Variants in STARD4 observed in about 807,000 individuals in gnomAD.
STARD4 encodes the protein stAR-related lipid transfer protein 4.
A neutral mutation model predicts 24.9 loss-of-function variants in STARD4; 33 were observed. That is an observed-to-expected ratio of 1.32 (90% CI 1.00 to 1.77). The LOEUF (loss-of-function observed/expected upper bound fraction) is 1.77, where lower values mean the gene tolerates loss of function less well. Ranked by LOEUF, STARD4 falls within the 40% of genes most tolerant of loss-of-function variation. STARD4 has a pLI of 0.00. For missense variants in STARD4, 238 were observed against 249.3 expected, an observed-to-expected ratio of 0.95 and a Z score of 0.31; for synonymous variants, 88 against 77.4, an observed-to-expected ratio of 1.14 and a Z score of -0.72.
intron 3 of STARD4, among the ~76,000 whole-genome samples, chr5:111,505,293 TGC>T: frequency 6.6e-6 from 1 of 152,214 alleles, no homozygotes; most frequent in East Asian, 1.9e-4. Flanking sequence ...TTGCTTACAA[TGC>T]TTAATCCAAC....
At chr5:111,505,103 T>C (rs150109754) in intron 3 of STARD4, 3 of 446,718 alleles carry the variant, frequency 6.7e-6, no homozygotes, top group African/African-American at 4.1e-5. Flanking sequence ...TGCAATTCCT[T>C]CTGCCTAGAA....
rs1756131606 is a variant in STARD4, at chr5:111,496,962, C to T, written c.*2924G>A. On this transcript the variant is annotated 3_prime_UTR_variant, in exon 6 of 6. Coordinates refer to ENST00000296632, the MANE Select transcript of STARD4 (RefSeq NM_139164.3). Reference sequence around the variant, plus strand: ...ATTTTTTTTTGAGTACTGTTTTAAACTTTAAGGGTTAACTAAGAGTTATCA... The same window carrying T: ...ATTTTTTTTTGAGTACTGTTTTAAATTTTAAGGGTTAACTAAGAGTTATCA... 1 of 151,666 alleles carries T rather than the reference C, an allele frequency of 6.6e-6. No homozygotes were observed. Among genetic ancestry groups the T allele is most frequent in the African/African-American group, 2.4e-5 (1 of 41,274 alleles). 9.4% of individuals were successfully genotyped at this position (151,666 alleles called of 1,614,324 possible). A position where few individuals can be genotyped will look rare whatever the true frequency, so the allele number is the denominator to read the frequency against.
chr5:111,506,311 T>C lies in STARD4; in HGVS notation c.155+19A>G, dbSNP rs745327658. ...TGAAATGTCTTAAGAGCTGTGTAAG[T>C]CTATAAAAAGTTACTTACAGATATC... On this transcript the variant is annotated intron_variant, in intron 3 of 5. Transcript: ENST00000296632. The C allele has an allele frequency of 1.1e-5, 15 of 1,422,840 alleles. No individual in the cohort carries two copies. The highest frequency in any genetic ancestry group is 1.3e-5 in the South Asian group (1 of 79,200). 88.1% of individuals were successfully genotyped at this position (1,422,840 alleles called of 1,614,324 possible).
Position 111,507,302 on chromosome 5 carries a change from C to A in STARD4, c.105+27G>T. 1 of 1,578,038 alleles carries A rather than the reference C, an allele frequency of 6.3e-7. No homozygotes were observed. The highest frequency in any genetic ancestry group is 2.3e-5 in the East Asian group (1 of 44,428). The stretch of plus-strand genomic sequence containing the variant: ...AATTCATTAGATAGAAGATATACCC[C>A]AAATATAAGTAATTGAACTAATTTA... On this transcript the variant is annotated intron_variant, in intron 2 of 5. Coordinates refer to ENST00000296632, the MANE Select transcript of STARD4 (RefSeq NM_139164.3). The surrounding 1 kb of genome is among the most constrained non-coding windows in gnomAD (Gnocchi z 4.4).
In STARD4 at chr5:111,506,394, A is replaced by G. The variant is rs765315750; in HGVS notation, c.106-15T>C. ...GTTACATCTTTCTAGAAAAATAAAA[A>G]CATTATATGGTAATAATTGCATAGG... On this transcript the variant is annotated splice_polypyrimidine_tract_variant and intron_variant, in intron 2 of 5. Transcript: ENST00000296632. 1.5e-6 allele frequency: 2 copies of G among 1,350,028 alleles called. No individual in the cohort carries two copies. Among genetic ancestry groups the G allele is most frequent in the South Asian group, 2.5e-5 (2 of 78,836 alleles). The allele number at this position is 1,350,028 out of a possible 1,614,324, so 83.6% of individuals were successfully genotyped here.
chr5:111,504,727 A>G (rs2112558110), intron 3 of STARD4, among the ~76,000 whole-genome samples: 1 of 152,372 alleles, frequency 6.6e-6, no homozygotes, highest in East Asian at 1.9e-4. Context: ...AGAAGGAGGT[A>G]AAACAAATTA....
intron 5 of STARD4, chr5:111,500,449 C>T (rs776748625): frequency 9.4e-7 from 1 of 1,061,226 alleles, no homozygotes; most frequent in Non-Finnish European, 1.1e-6. Context: ...ACAGCGACTA[C>T]CATATTATAG....
In STARD4 at chr5:111,507,749, A is replaced by G. The variant is rs751910140; in HGVS notation, c.-9-307T>C. ...GGAAGCAATTGTATCTCATATATAGATATGCTGTTAACTCTCAAACATTTA... is the reference window on the plus strand; with the variant it reads ...GGAAGCAATTGTATCTCATATATAGGTATGCTGTTAACTCTCAAACATTTA... On this transcript the variant is annotated intron_variant, in intron 1 of 5. Coordinates refer to ENST00000296632, the MANE Select transcript of STARD4 (RefSeq NM_139164.3). This position sits in a 1 kb window ranked among gnomAD's most constrained non-coding sequence, Gnocchi z 4.4. Among the ~76,000 whole-genome samples the G allele has an allele frequency of 3.3e-5, 5 of 152,108 alleles. No individual in the cohort carries two copies. The highest frequency in any genetic ancestry group is 7.2e-5 in the African/African-American group (3 of 41,422).
chr5:111,509,269 C>G (rs1757078627), intron 1 of STARD4, among the ~76,000 whole-genome samples: 1 of 152,008 alleles, frequency 6.6e-6, no homozygotes, highest in African/African-American at 2.4e-5. Context: ...CTGTGGTTGG[C>G]AGATAAGAGT....
At chr5:111,503,555 G>A (rs927635956) in intron 3 of STARD4, among the ~76,000 whole-genome samples, 1 of 152,122 alleles carries the variant, frequency 6.6e-6, no homozygotes, top group Non-Finnish European at 1.5e-5. Flanking sequence ...CTTGAACCAG[G>A]TAGTCGGAAG....
rs1756132696 is a variant in STARD4, at chr5:111,496,983, TATC to T, written c.*2900_*2902del. ...TAAACTTTAAGGGTTAACTAAGAGT[TATC>T]AACACAAACTAATATTTCATGCAAA... On this transcript the variant is annotated 3_prime_UTR_variant, in exon 6 of 6. Coordinates refer to ENST00000296632, the MANE Select transcript of STARD4 (RefSeq NM_139164.3). 1.3e-5 allele frequency: 2 copies of T among 152,024 alleles called. No homozygotes were observed. The highest frequency in any genetic ancestry group is 1.3e-4 in the Admixed American group (2 of 15,232). 9.4% of individuals were successfully genotyped at this position (152,024 alleles called of 1,614,324 possible).
At chr5:111,510,580 T>C (rs1304272988) in intron 1 of STARD4, among the ~76,000 whole-genome samples, 1 of 152,224 alleles carries the variant, frequency 6.6e-6, no homozygotes, top group Non-Finnish European at 1.5e-5. Context: ...GATTTTATAC[T>C]CTTGTCAGTC....
intron 1 of STARD4, among the ~76,000 whole-genome samples, chr5:111,509,921 C>G (rs1204558220): frequency 6.6e-6 from 1 of 152,092 alleles, no homozygotes; most frequent in African/African-American, 2.4e-5. Flanking sequence ...GGTCCTAGAA[C>G]TACAGAAACA....
chr5:111,505,525 T>C (rs1221178794), intron 3 of STARD4, among the ~76,000 whole-genome samples: 4 of 152,212 alleles, frequency 2.6e-5, no homozygotes, highest in South Asian at 2.1e-4. Flanking sequence ...TCTTATGTTA[T>C]TAAATAATCT....
chr5:111,509,470 G>C (rs1757091526), intron 1 of STARD4, among the ~76,000 whole-genome samples: 1 of 152,044 alleles, frequency 6.6e-6, no homozygotes, highest in African/African-American at 2.4e-5. Context: ...TAAAGTTCAA[G>C]CTCCTTACTA....
chr5:111,498,042 A>G lies in STARD4; in HGVS notation c.*1844T>C, dbSNP rs1053188908. 6.6e-6 allele frequency: 1 copy of G among 152,126 alleles called. No homozygotes were observed. The highest frequency in any genetic ancestry group is 2.4e-5 in the African/African-American group (1 of 41,448). 9.4% of individuals were successfully genotyped at this position (152,126 alleles called of 1,614,324 possible). On this transcript the variant is annotated 3_prime_UTR_variant, in exon 6 of 6. Transcript: ENST00000296632. ...ATGTATTAAAACATCACTGAATTAG[A>G]TACTTAAAAGTGGGTAAATTACATA...
In STARD4 at chr5:111,500,122, T is replaced by A; in HGVS notation, c.398-16A>T. On this transcript the variant is annotated splice_polypyrimidine_tract_variant and intron_variant, in intron 5 of 5. Coordinates refer to ENST00000296632, the MANE Select transcript of STARD4 (RefSeq NM_139164.3). ...AGACTTATTCCTATAAGGCAATTTT[T>A]AAAATAGCACTATTAATAGCAATAA... is the stretch of plus-strand genomic sequence containing the variant. The A allele has an allele frequency of 1.3e-6, 2 of 1,583,068 alleles. No individual in the cohort carries two copies. Among genetic ancestry groups the A allele is most frequent in the Non-Finnish European group, 8.6e-7 (1 of 1,161,130 alleles).
chr5:111,510,750 A>G (rs572433869), intron 1 of STARD4, among the ~76,000 whole-genome samples: 3 of 152,212 alleles, frequency 2.0e-5, no homozygotes, highest in Non-Finnish European at 4.4e-5. Context: ...GAGGCCATCT[A>G]TCAGCACCAT....
At chr5:111,510,794 A>G (rs781021095) in intron 1 of STARD4, among the ~76,000 whole-genome samples, 12 of 152,206 alleles carry the variant, frequency 7.9e-5, no homozygotes, top group Non-Finnish European at 1.6e-4. Flanking sequence ...TTATTCTCAA[A>G]TATCTGTCAC....
Sources: gnomAD v4.1 joint callset for allele counts (sites outside exome capture counted in the v4.1 genomes callset) on GRCh38, gnomAD v4.1.1 for gene constraint, Gnocchi (gnomAD v3.1) non-coding constraint, MANE v1.5 for transcripts, NCBI Gene and HGNC (gene_info 2026-07-23, HGNC 2026-07-21) for gene names.